SORCS1: variants seen among roughly 807,000 people sequenced by gnomAD.
The protein encoded by SORCS1 is sortilin related VPS10 domain containing receptor 1, also known as VPS10 domain-containing receptor SorCS1.
SORCS1 carries 60 observed loss-of-function variants against 146.1 expected under a neutral mutation model. The ratio of observed to expected loss-of-function variants is 0.41; its 90% confidence interval spans 0.33 to 0.51. The LOEUF (loss-of-function observed/expected upper bound fraction) is 0.51. Ranked by LOEUF, SORCS1 falls within the 20% of genes least tolerant of loss-of-function variation. The probability of loss-of-function intolerance (pLI) is 0.21; values close to 1 mark genes in which losing one functional copy is unlikely to be tolerated. For missense variants in SORCS1, 1,352 were observed against 1,487.6 expected, an observed-to-expected ratio of 0.91 and a Z score of 1.50; for synonymous variants, 637 against 584.0, an observed-to-expected ratio of 1.09 and a Z score of -1.31.
intron 1 of SORCS1, among the ~76,000 whole-genome samples, chr10:107,133,351 G>A (rs562744724): frequency 7.2e-5 from 11 of 152,104 alleles, no homozygotes; most frequent in African/African-American, 2.7e-4. Flanking sequence ...TAGGGAGGGG[G>A]CTCAAGACAA....
upstream of SORCS1, among the ~76,000 whole-genome samples, chr10:107,165,729 G>A (rs987081488): frequency 6.6e-6 from 1 of 152,200 alleles, no homozygotes; most frequent in South Asian, 2.1e-4. This position sits in a 1 kb window ranked among gnomAD's most constrained non-coding sequence, Gnocchi z 4.0. Flanking sequence ...CTGGCCCAGT[G>A]CTACTGCCAC....
intron 2 of SORCS1, among the ~76,000 whole-genome samples, chr10:106,839,136 G>A (rs1209695314): frequency 1.3e-5 from 2 of 152,082 alleles, no homozygotes; most frequent in Non-Finnish European, 2.9e-5. Flanking sequence ...GTGAAAGGGG[G>A]AGCTGCATTA....
At chr10:106,860,794 G>A (rs17274407) in intron 2 of SORCS1, among the ~76,000 whole-genome samples, 2,664 of 152,212 alleles carry the variant, frequency 0.018, 23 homozygotes, top group Non-Finnish European at 0.024. Flanking sequence ...TCCAAACAAC[G>A]AACCACTGCT....
chr10:107,046,907 G>A (rs1959514772), intron 1 of SORCS1, among the ~76,000 whole-genome samples: 1 of 152,200 alleles, frequency 6.6e-6, no homozygotes. Flanking sequence ...TATCATGATG[G>A]TGGCTACATA....
chr10:107,159,144 C>T (rs1969521220), intron 1 of SORCS1, among the ~76,000 whole-genome samples: 1 of 152,134 alleles, frequency 6.6e-6, no homozygotes, highest in South Asian at 2.1e-4. Context: ...TCTCACATTA[C>T]TTGATTTCCC....
chr10:106,926,437 T>G (rs1953020651), intron 2 of SORCS1, among the ~76,000 whole-genome samples: 1 of 152,024 alleles, frequency 6.6e-6, no homozygotes, highest in Non-Finnish European at 1.5e-5. Flanking sequence ...ATCTGAAAAG[T>G]GGGGATTAAA....
At position 106,612,132 on chromosome 10, in the gene SORCS1, A is replaced by T. The variant is rs1847034364; in HGVS notation, c.2921-109T>A. On this transcript the variant is annotated intron_variant, in intron 21 of 25. Transcript: ENST00000263054. ...GGAGGGTCCTTCCCCTTCACTTACC[A>T]TAGGGACCTTTTTAGAAGGCAAGCC... 3 of 758,166 alleles carry T rather than the reference A, an allele frequency of 4.0e-6. No homozygotes were observed. In the South Asian group the frequency reaches 5.7e-5, roughly 14 times the overall value. 47.0% of individuals were successfully genotyped at this position (758,166 alleles called of 1,614,324 possible).
chr10:106,795,716 A>G (rs1946522749), intron 3 of SORCS1, among the ~76,000 whole-genome samples: 1 of 152,196 alleles, frequency 6.6e-6, no homozygotes, highest in Admixed American at 6.5e-5. Context: ...TATCCAGTAT[A>G]ATGAAGGAAA....
At chr10:107,100,564 G>C (rs1303918392) in intron 1 of SORCS1, among the ~76,000 whole-genome samples, 1 of 152,006 alleles carries the variant, frequency 6.6e-6, no homozygotes, top group Non-Finnish European at 1.5e-5. Context: ...TTATGATACA[G>C]TCAAAGCTAT....
rs1217162926 is a variant in SORCS1 at position 106,706,533 on chromosome 10, T to C, written c.1233+12A>G. ...GTCAAGAGTGAAATGAAGAAAGTGA[T>C]TTAGGCCATACCTTGGGCAAAGCAT... On this transcript the variant is annotated intron_variant, in intron 8 of 25. Coordinates refer to ENST00000263054, the MANE Select transcript of SORCS1 (RefSeq NM_052918.5). 2.5e-6 allele frequency: 4 copies of C among 1,613,364 alleles called. No individual in the cohort carries two copies. Among genetic ancestry groups the C allele is most frequent in the East Asian group, 4.5e-5 (2 of 44,880 alleles).
chr10:106,735,976 G>C lies in SORCS1; in HGVS notation c.960-5862C>G, dbSNP rs182869555. On this transcript the variant is annotated intron_variant, in intron 5 of 25. Coordinates refer to ENST00000263054, the MANE Select transcript of SORCS1 (RefSeq NM_052918.5). ...TACATCTATACTTCCAGTATCTTAA[G>C]TAGGTTTTCACATTTAAGAGCTATT... Among the ~76,000 whole-genome samples, 26 of 152,274 alleles carry C rather than the reference G, an allele frequency of 1.7e-4. No individual in the cohort carries two copies. In the East Asian group the frequency reaches 4.8e-3, roughly 28 times the overall value.
intron 1 of SORCS1, among the ~76,000 whole-genome samples, chr10:107,142,946 T>C (rs1967965687): frequency 6.6e-6 from 1 of 152,188 alleles, no homozygotes; most frequent in Non-Finnish European, 1.5e-5. Flanking sequence ...GTTTCTAAAA[T>C]TGCTAAGGTC....
chr10:106,723,853 C>A (rs962597820), intron 6 of SORCS1, among the ~76,000 whole-genome samples: 3 of 152,050 alleles, frequency 2.0e-5, no homozygotes, highest in Non-Finnish European at 4.4e-5. Context: ...AGCCTGTGGA[C>A]CCATTTTTTC....
rs572931389 is a variant in SORCS1, at chr10:107,099,558, T to A, written c.558+64411A>T. 3.3e-5 allele frequency among the ~76,000 whole-genome samples: 5 copies of A among 152,308 alleles called. No homozygotes were observed. In the East Asian group the frequency reaches 7.7e-4, roughly 23 times the overall value. On this transcript the variant is annotated intron_variant, in intron 1 of 25. Transcript: ENST00000263054. ...GATTCTCAGTCACACTAATCACACT[T>A]AATAGTCTATTAATAGTCTCATGTG...
At chr10:107,041,162 A>G (rs1038587251) in intron 1 of SORCS1, among the ~76,000 whole-genome samples, 2 of 152,188 alleles carry the variant, frequency 1.3e-5, no homozygotes, top group East Asian at 3.8e-4. Context: ...CAAATGTGTA[A>G]TAGGAAATAA....
chr10:107,034,347 C>T (rs566041322), intron 1 of SORCS1, among the ~76,000 whole-genome samples: 6 of 151,990 alleles, frequency 3.9e-5, no homozygotes, highest in South Asian at 2.1e-4. Context: ...GGCATTTGTG[C>T]GCTTTCCACC....
At chr10:106,679,208 T>A in intron 12 of SORCS1, 48 bp downstream of exon 12, 1 of 1,514,184 alleles carries the variant, frequency 6.6e-7, no homozygotes. Context: ...GCTGGGCAAT[T>A]TTTATGTTAC....
chr10:107,095,605 C>T (rs990999630), intron 1 of SORCS1, among the ~76,000 whole-genome samples: 7 of 152,068 alleles, frequency 4.6e-5, no homozygotes, highest in East Asian at 3.9e-4. Context: ...TGGGTGCTGG[C>T]GAGCAAGCAG....
intron 2 of SORCS1, among the ~76,000 whole-genome samples, chr10:106,895,891 C>A (rs188072231): frequency 2.2e-4 from 34 of 151,844 alleles, no homozygotes; most frequent in African/African-American, 7.7e-4. Context: ...GATGAATGGA[C>A]AAAATGTTAT....
Sources: allele counts gnomAD v4.1 joint callset (sites outside exome capture counted in the v4.1 genomes callset), GRCh38; gene constraint gnomAD v4.1.1; non-coding constraint Gnocchi (gnomAD v3.1); transcripts MANE v1.5; gene names NCBI Gene and HGNC (gene_info 2026-07-23, HGNC 2026-07-21).